The following ERG variants were observed in gnomAD, a reference collection of about 807,000 sequenced individuals.
The protein encoded by ERG is ETS transcription factor ERG, also known as transcriptional regulator ERG.
ERG carries 9 observed loss-of-function variants against 55.3 expected under a neutral mutation model. The observed-to-expected ratio is 0.16, with a 90% CI of 0.10 to 0.28. ERG has a LOEUF of 0.28. ERG is among the 10% of genes least tolerant of loss of function. ERG has a pLI of 1.00. For synonymous variants in ERG, 223 were observed against 237.3 expected (o/e 0.94, Z 0.55); for missense variants, 434 against 631.6 (o/e 0.69, Z 3.35).
chr21:38,411,073 T>C (rs1989024550), intron 3 of ERG, among the ~76,000 whole-genome samples: 1 of 152,172 alleles, frequency 6.6e-6, no homozygotes, highest in Non-Finnish European at 1.5e-5. Context: ...ACATCTTGCA[T>C]CCTCAGGAGG....
chr21:38,377,897 G>T (rs766353790), downstream of ERG, among the ~76,000 whole-genome samples: 1 of 152,184 alleles, frequency 6.6e-6, no homozygotes, highest in African/African-American at 2.4e-5. Flanking sequence ...GTGTGCTGTA[G>T]GGGGTGGTCT....
At position 38,653,613 on chromosome 21, in the gene ERG, C is replaced by A. The variant is rs1276639389; in HGVS notation, c.-150+8045G>T. 2.6e-5 allele frequency among the ~76,000 whole-genome samples: 4 copies of A among 152,288 alleles called. No individual in the cohort carries two copies. The East Asian group carries it at 7.7e-4, about 29-fold the overall frequency. Reference sequence around the variant, plus strand: ...GTTTTGTTTACCTGTTAACACAACTCATGGAAGAGAGAAAAATTCAAGCAT... The same window carrying A: ...GTTTTGTTTACCTGTTAACACAACTAATGGAAGAGAGAAAAATTCAAGCAT... On this transcript the variant is annotated intron_variant, in intron 1 of 10. Transcript: ENST00000398910.
chr21:38,499,516 G>A (rs139257633), upstream of ERG, among the ~76,000 whole-genome samples: 1 of 151,986 alleles, frequency 6.6e-6, no homozygotes, highest in African/African-American at 2.4e-5. Flanking sequence ...CTCAATAGGC[G>A]ACCCCAAGAA....
intron 3 of ERG, among the ~76,000 whole-genome samples, chr21:38,417,970 G>C (rs1411517453): frequency 3.3e-5 from 5 of 152,198 alleles, no homozygotes; most frequent in African/African-American, 1.2e-4. Flanking sequence ...ACATCTCCAT[G>C]TTCACAGCCA....
intron 9 of ERG, 114 bp downstream of exon 9, chr21:38,390,881 T>C (rs1336239082): frequency 2.4e-6 from 2 of 829,960 alleles, no homozygotes; most frequent in African/African-American, 1.7e-5. Context: ...CAGTGAGACC[T>C]AAAACTAAAA....
chr21:38,402,322 G>T (rs879576602), intron 5 of ERG, among the ~76,000 whole-genome samples: 1 of 152,154 alleles, frequency 6.6e-6, no homozygotes, highest in Admixed American at 6.5e-5. Flanking sequence ...CACGTCTCCT[G>T]GTTAAAAAGG....
intron 2 of ERG, among the ~76,000 whole-genome samples, chr21:38,561,723 A>C (rs1046852316): frequency 6.6e-6 from 1 of 152,142 alleles, no homozygotes; most frequent in Non-Finnish European, 1.5e-5. Flanking sequence ...ATTTTATAAG[A>C]CTAATTTGAA....
At chr21:38,430,930 T>G (rs1039699294) in intron 2 of ERG, among the ~76,000 whole-genome samples, 8 of 151,884 alleles carry the variant, frequency 5.3e-5, no homozygotes, top group African/African-American at 1.9e-4. Context: ...ACAGAAATAG[T>G]GTAGGAAGAC....
Position 38,391,736 on chromosome 21 carries a change from A to C in ERG, c.815-21T>G, listed in dbSNP as rs1367995009. 3 of 1,609,080 alleles carry C rather than the reference A, an allele frequency of 1.9e-6. No homozygotes were observed. The South Asian group carries it at 3.3e-5, about 18-fold the overall frequency. ...AGCAGCTGAAAATCCAGAAATACAA[A>C]AGGCAATTAGCTATAACAGATTTGG... On this transcript the variant is annotated intron_variant, in intron 7 of 9. Coordinates refer to ENST00000288319, the MANE Select transcript of ERG (RefSeq NM_182918.4).
upstream of ERG, among the ~76,000 whole-genome samples, chr21:38,502,127 G>T (rs2059425565): frequency 6.6e-6 from 1 of 152,150 alleles, no homozygotes; most frequent in African/African-American, 2.4e-5. Flanking sequence ...CACATCTGTG[G>T]GGACACAACA....
chr21:38,573,625 T>G lies in ERG; in HGVS notation c.-41+2037A>C, dbSNP rs529152426. On this transcript the variant is annotated intron_variant, in intron 2 of 8. Coordinates refer to the ERG transcript ENST00000398897. ...CATAGATTCTTTTGCTCACATGTTT[T>G]TTGCTGACCTTCTCCTTATTATCAC... Among the ~76,000 whole-genome samples, 134 of 152,322 alleles carry G rather than the reference T, an allele frequency of 8.8e-4. No individual in the cohort carries two copies. The East Asian group carries it at 0.014, about 16-fold the overall frequency.
At chr21:38,399,958 T>C (rs1479471231) in intron 6 of ERG, 3 of 212,902 alleles carry the variant, frequency 1.4e-5, no homozygotes, top group African/African-American at 2.3e-5. Context: ...CAAACCAAGC[T>C]GAATGAAGAA....
At chr21:38,554,789 G>A (rs1369760134) in intron 2 of ERG, among the ~76,000 whole-genome samples, 3 of 150,784 alleles carry the variant, frequency 2.0e-5, no homozygotes, top group Non-Finnish European at 4.4e-5. Context: ...ATTTACCCAC[G>A]TAACAAACGT....
intron 2 of ERG, among the ~76,000 whole-genome samples, chr21:38,523,583 C>A (rs1345676751): frequency 6.6e-6 from 1 of 152,174 alleles, no homozygotes; most frequent in Non-Finnish European, 1.5e-5. Flanking sequence ...AAGCTCCCAC[C>A]CCTGATGAAT....
chr21:38,467,479 T>C (rs2059101295), intron 1 of ERG, among the ~76,000 whole-genome samples: 1 of 152,142 alleles, frequency 6.6e-6, no homozygotes, highest in Non-Finnish European at 1.5e-5. Context: ...GGCTAGGTGC[T>C]TCTGCGGGTG....
chr21:38,631,360 T>C (rs2060355525), intron 1 of ERG, among the ~76,000 whole-genome samples: 1 of 151,792 alleles, frequency 6.6e-6, no homozygotes, highest in Non-Finnish European at 1.5e-5. Flanking sequence ...AAAATTTGGT[T>C]GAAAAAAAAA....
In ERG at chr21:38,527,871, C is replaced by T. The variant is rs139901328; in HGVS notation, c.-41+47791G>A. ...CACAACTGTGGATCTCAGATTGTTCCGTGAGTTTGGTCTGATAAGATTGTA... is the reference window on the plus strand; with the variant it reads ...CACAACTGTGGATCTCAGATTGTTCTGTGAGTTTGGTCTGATAAGATTGTA... On this transcript the variant is annotated intron_variant, in intron 2 of 8. Transcript: ENST00000398897. Among the ~76,000 whole-genome samples, 6 of 152,266 alleles carry T rather than the reference C, an allele frequency of 3.9e-5. No homozygotes were observed. In the East Asian group the frequency reaches 5.8e-4, roughly 15 times the overall value.
intron 2 of ERG, among the ~76,000 whole-genome samples, chr21:38,522,352 A>T (rs931392392): frequency 6.6e-6 from 1 of 152,168 alleles, no homozygotes; most frequent in Non-Finnish European, 1.5e-5. Context: ...TATCATATCT[A>T]TAAATTTACT....
chr21:38,499,808 GAA>G (rs1332079920), upstream of ERG, among the ~76,000 whole-genome samples: 1 of 140,434 alleles, frequency 7.1e-6, no homozygotes, highest in African/African-American at 2.6e-5. Context: ...AGGAAGGACA[GAA>G]GAGAGAGAGA....
Sources: allele counts gnomAD v4.1 joint callset (sites outside exome capture counted in the v4.1 genomes callset), GRCh38; gene constraint gnomAD v4.1.1; transcripts MANE v1.5; gene names NCBI Gene and HGNC (gene_info 2026-07-23, HGNC 2026-07-21).